The following PRICKLE2 variants were observed in gnomAD, a reference collection of about 807,000 sequenced individuals.
PRICKLE2 encodes prickle planar cell polarity protein 2.
Under a neutral mutation model 81.4 loss-of-function variants are expected in PRICKLE2, and 21 were observed. The ratio of observed to expected loss-of-function variants is 0.26; its 90% CI spans 0.18 to 0.37. The LOEUF is 0.37. PRICKLE2 is among the 10% of genes least tolerant of loss of function. The pLI is 1.00. For missense variants in PRICKLE2, 940 were observed against 1,109.0 expected, an observed-to-expected ratio of 0.85 and a Z score of 2.16; for synonymous variants, 456 against 421.5, an observed-to-expected ratio of 1.08 and a Z score of -1.00.
chr3:64,136,890 G>A (rs2077288167), intron 7 of PRICKLE2, among the ~76,000 whole-genome samples: 1 of 152,142 alleles, frequency 6.6e-6, no homozygotes, highest in South Asian at 2.1e-4. Flanking sequence ...TCCAATTCTG[G>A]AGGTGTGGTA....
chr3:64,263,567 G>A (rs2079647162), intron 2 of PRICKLE2, among the ~76,000 whole-genome samples: 1 of 152,180 alleles, frequency 6.6e-6, no homozygotes, highest in African/African-American at 2.4e-5. Context: ...TACAGAGAAT[G>A]CAGGAAGGGC....
chr3:64,253,466 C>A (rs1205324593), intron 2 of PRICKLE2, among the ~76,000 whole-genome samples: 1 of 152,216 alleles, frequency 6.6e-6, no homozygotes, highest in African/African-American at 2.4e-5. Context: ...AAGAAGTTCA[C>A]ATGAGAAACC....
intron 7 of PRICKLE2, among the ~76,000 whole-genome samples, chr3:64,142,724 G>T (rs2077383054): frequency 6.6e-6 from 1 of 152,126 alleles, no homozygotes; most frequent in Non-Finnish European, 1.5e-5. Flanking sequence ...GGAGGAGAAA[G>T]AATTAATAAT....
chr3:64,194,622 T>C (rs1048166330), intron 2 of PRICKLE2, among the ~76,000 whole-genome samples: 1 of 152,260 alleles, frequency 6.6e-6, no homozygotes, highest in African/African-American at 2.4e-5. Context: ...CTCTTCATCA[T>C]CTGCCCTTCT....
At chr3:64,267,030 C>A (rs1254285657) in intron 2 of PRICKLE2, among the ~76,000 whole-genome samples, 1 of 151,876 alleles carries the variant, frequency 6.6e-6, no homozygotes, top group Non-Finnish European at 1.5e-5. Flanking sequence ...GTGGGGGGAG[C>A]TGAAACCTCA....
chr3:64,204,646 C>A (rs955776842), intron 1 of PRICKLE2, among the ~76,000 whole-genome samples: 18 of 151,886 alleles, frequency 1.2e-4, no homozygotes, highest in East Asian at 3.9e-4. Context: ...AAAAAAAAAA[C>A]CAAAACCCTA....
intron 2 of PRICKLE2, among the ~76,000 whole-genome samples, chr3:64,263,603 T>A (rs2107191909): frequency 6.6e-6 from 1 of 152,262 alleles, no homozygotes; most frequent in African/African-American, 2.4e-5. Flanking sequence ...GCCTTGAGCA[T>A]TAGGAAATGG....
chr3:64,239,736 A>T (rs80132257), intron 2 of PRICKLE2, among the ~76,000 whole-genome samples: 1 of 152,150 alleles, frequency 6.6e-6, no homozygotes, highest in African/African-American at 2.4e-5. Context: ...TGAGGCTCAG[A>T]GAAATCAAAA....
chr3:64,143,860 A>G (rs2060117021), intron 7 of PRICKLE2, among the ~76,000 whole-genome samples: 1 of 152,178 alleles, frequency 6.6e-6, no homozygotes, highest in Admixed American at 6.5e-5. Context: ...CGAGAATAAC[A>G]TAACCTGGGC....
At position 64,159,917 on chromosome 3, in the gene PRICKLE2, C is replaced by T; in HGVS notation, c.396+23G>A. ...AAAAGATGCCAGAACAATGCCTCTT[C>T]ACTCCCCTGAATCCATGCTTACCTG... On this transcript the variant is annotated intron_variant, in intron 4 of 7. Transcript: ENST00000638394. 4 of 1,614,040 alleles carry T rather than the reference C, an allele frequency of 2.5e-6. No individual in the cohort carries two copies. In the South Asian group the frequency reaches 3.3e-5, roughly 13 times the overall value.
chr3:64,123,188 C>G (rs890458499), intron 7 of PRICKLE2, among the ~76,000 whole-genome samples: 15 of 152,078 alleles, frequency 9.9e-5, no homozygotes, highest in Admixed American at 6.5e-5. Context: ...AGTCTTATTT[C>G]TAGGAATTTA....
rs1355868129 is a variant in PRICKLE2 at position 64,147,088 on chromosome 3, A to C, written c.1402T>G (p.Cys468Gly). The change falls in exon 7 of 8, where the codon TGC (cysteine) becomes GGC (glycine). Residue 468 changes from cysteine (C) to glycine (G), a missense_variant. Physicochemically the swap from Cys to Gly is radical, Grantham distance 159. Transcript: ENST00000638394. This position sits in a 1 kb window ranked among gnomAD's most constrained non-coding sequence, Gnocchi z 5.0. ...TGHAGSFIKE[C>G]REDYYPGRLR... ...CTCCCCGGGTAATAGTCTTCTCGGC[A>C]TTCCTTGATGAAGCTGCCAGCATGT... is the stretch of plus-strand genomic sequence containing the variant. 1.9e-6 allele frequency: 3 copies of C among 1,614,060 alleles called. No homozygotes were observed. The highest frequency in any genetic ancestry group is 2.5e-6 in the Non-Finnish European group (3 of 1,180,020).
intron 2 of PRICKLE2, 46 bp from the exon 3 acceptor site, chr3:64,163,175 A>G (rs759331607): frequency 8.9e-7 from 1 of 1,126,402 alleles, no homozygotes; most frequent in African/African-American, 1.5e-5. Context: ...TACTCAAACC[A>G]TGTGCCTATT....
At chr3:64,150,994 T>G (rs1359997146) in intron 6 of PRICKLE2, among the ~76,000 whole-genome samples, 2 of 152,176 alleles carry the variant, frequency 1.3e-5, no homozygotes, top group African/African-American at 2.4e-5. Flanking sequence ...TCTAAGCCCT[T>G]TAAGTACTTC....
chr3:64,241,441 G>A (rs1252384912), intron 2 of PRICKLE2, among the ~76,000 whole-genome samples: 8 of 152,318 alleles, frequency 5.3e-5, no homozygotes, highest in Admixed American at 5.2e-4. Context: ...ATAAATGCAT[G>A]TGTGCATACA....
chr3:64,230,129 C>T (rs2079081472), upstream of PRICKLE2, among the ~76,000 whole-genome samples: 1 of 152,160 alleles, frequency 6.6e-6, no homozygotes, highest in Admixed American at 6.5e-5. Context: ...TGAATGATAT[C>T]ACTTCTAGTG....
intron 1 of PRICKLE2, 144 bp downstream of exon 1, chr3:64,224,766 A>G: frequency 3.8e-6 from 1 of 263,916 alleles, no homozygotes; most frequent in Non-Finnish European, 5.9e-6. Context: ...AAGGGGTCGC[A>G]GGGCCACCAA....
At chr3:64,242,275 T>A (rs1309785272) in intron 2 of PRICKLE2, among the ~76,000 whole-genome samples, 1 of 152,220 alleles carries the variant, frequency 6.6e-6, no homozygotes, top group Non-Finnish European at 1.5e-5. Flanking sequence ...TTCTTAGCAG[T>A]CTAGCTAGAA....
intron 2 of PRICKLE2, among the ~76,000 whole-genome samples, chr3:64,171,559 G>T (rs7637364): frequency 0.35 from 52,483 of 152,090 alleles, 10,120 homozygotes; most frequent in Admixed American, 0.45. Context: ...TGAGTACTTA[G>T]GACTGTGTTT....
Sources: allele counts gnomAD v4.1 joint callset (sites outside exome capture counted in the v4.1 genomes callset), GRCh38; gene constraint gnomAD v4.1.1; non-coding constraint Gnocchi (gnomAD v3.1); transcripts MANE v1.5; gene names NCBI Gene and HGNC (gene_info 2026-07-23, HGNC 2026-07-21).